Variants in KCNIP4 observed in about 807,000 individuals in gnomAD.
KCNIP4 encodes Kv channel-interacting protein 4.
KCNIP4 carries 12 observed loss-of-function variants against 34.0 expected under a neutral mutation model. The ratio of observed to expected loss-of-function variants is 0.35; its 90% CI spans 0.23 to 0.57. The LOEUF is 0.57. Among genes scored for constraint, KCNIP4 ranks in the 20% least tolerant of loss-of-function variants. The pLI is 0.83. For synonymous variants in KCNIP4, 124 were observed against 102.2 expected, an observed-to-expected ratio of 1.21 and a Z score of -1.29; for missense variants, 238 against 311.7, an observed-to-expected ratio of 0.76 and a Z score of 1.78.
intron 1 of KCNIP4, among the ~76,000 whole-genome samples, chr4:21,151,603 C>T (rs1427264270): frequency 6.6e-6 from 1 of 151,694 alleles, no homozygotes; most frequent in Non-Finnish European, 1.5e-5. Flanking sequence ...ACAAGGGACC[C>T]ACCTCCATGA....
chr4:20,729,891 T>TATGAAA lies in KCNIP4; in HGVS notation c.*185_*190dup. On this transcript the variant is annotated 3_prime_UTR_variant, in exon 9 of 9. Coordinates refer to ENST00000382152, the MANE Select transcript of KCNIP4 (RefSeq NM_025221.6). ...GACCATCCCCTGAACTCAGTGGCAT[T>TATGAAA]ATGAAAAGGATGCAAATTTATAACT... 1.9e-6 allele frequency: 1 copy of TATGAAA among 528,666 alleles called. No individual in the cohort carries two copies. Among genetic ancestry groups the TATGAAA allele is most frequent in the East Asian group, 3.3e-5 (1 of 30,420 alleles). 32.7% of individuals were successfully genotyped at this position (528,666 alleles called of 1,614,324 possible). A position where few individuals can be genotyped will look rare whatever the true frequency, so the allele number is the denominator to read the frequency against.
intron 1 of KCNIP4, among the ~76,000 whole-genome samples, chr4:21,799,319 C>T (rs932904466): frequency 6.6e-6 from 1 of 152,124 alleles, no homozygotes; most frequent in Non-Finnish European, 1.5e-5. Context: ...TAGTAAATGA[C>T]AGAGCCAGAA....
intron 1 of KCNIP4, among the ~76,000 whole-genome samples, chr4:21,589,596 A>C (rs1369653005): frequency 6.6e-6 from 1 of 151,942 alleles, no homozygotes. Flanking sequence ...TTTAAGAAGC[A>C]GCTGCTTCTC....
intron 1 of KCNIP4, among the ~76,000 whole-genome samples, chr4:21,420,790 G>A (rs1725390588): frequency 6.6e-6 from 1 of 152,110 alleles, no homozygotes. Context: ...AGATAAATAA[G>A]ATTAATTTAA....
chr4:21,718,546 C>G (rs1355211975), intron 1 of KCNIP4: 4 of 151,762 alleles, frequency 2.6e-5, no homozygotes, highest in African/African-American at 9.7e-5. Flanking sequence ...GGCCATACCA[C>G]CCTGAACATG....
chr4:21,291,359 T>C (rs1763446889), intron 1 of KCNIP4, among the ~76,000 whole-genome samples: 1 of 128,906 alleles, frequency 7.8e-6, no homozygotes, highest in Non-Finnish European at 1.7e-5. Flanking sequence ...TATACAAACA[T>C]TTGTGTACAA....
chr4:20,998,971 C>A (rs981970793), intron 1 of KCNIP4, among the ~76,000 whole-genome samples: 1 of 152,130 alleles, frequency 6.6e-6, no homozygotes, highest in Non-Finnish European at 1.5e-5. Flanking sequence ...TTTCTTGGAG[C>A]CTACAGTCAA....
At chr4:21,895,692 A>G (rs1407078023) in intron 1 of KCNIP4, among the ~76,000 whole-genome samples, 1 of 152,228 alleles carries the variant, frequency 6.6e-6, no homozygotes, top group East Asian at 1.9e-4. Flanking sequence ...TAGTCTGGAT[A>G]GCGAGAACCA....
At chr4:21,583,615 T>G (rs974388995) in intron 1 of KCNIP4, among the ~76,000 whole-genome samples, 6 of 152,052 alleles carry the variant, frequency 3.9e-5, no homozygotes, top group Admixed American at 1.3e-4. Flanking sequence ...AACTATAATA[T>G]TTTAATGCAA....
At chr4:21,093,654 T>C (rs1747195100) in intron 1 of KCNIP4, among the ~76,000 whole-genome samples, 1 of 152,190 alleles carries the variant, frequency 6.6e-6, no homozygotes, top group Admixed American at 6.5e-5. Flanking sequence ...TTACAGATAC[T>C]ATATGGGCTA....
intron 3 of KCNIP4, among the ~76,000 whole-genome samples, chr4:20,823,718 G>A (rs1717386699): frequency 1.3e-5 from 2 of 152,090 alleles, no homozygotes; most frequent in South Asian, 2.1e-4. Context: ...TAAATTTGTT[G>A]TTTAAGCCAC....
intron 1 of KCNIP4, among the ~76,000 whole-genome samples, chr4:21,330,288 T>C (rs945257041): frequency 2.6e-5 from 4 of 152,280 alleles, no homozygotes; most frequent in African/African-American, 9.6e-5. Context: ...ATAGCATAAA[T>C]TGATCAGCAT....
intron 1 of KCNIP4, among the ~76,000 whole-genome samples, chr4:21,716,152 G>A (rs1341966687): frequency 6.6e-6 from 1 of 151,742 alleles, no homozygotes; most frequent in Non-Finnish European, 1.5e-5. Flanking sequence ...CAGCTTTGAT[G>A]GTCAGACAGT....
At chr4:21,443,086 A>T (rs1021968749) in intron 1 of KCNIP4, among the ~76,000 whole-genome samples, 1 of 152,176 alleles carries the variant, frequency 6.6e-6, no homozygotes, top group African/African-American at 2.4e-5. Flanking sequence ...GACAAAACTT[A>T]TCAACATTGG....
At chr4:21,082,599 G>T (rs1746092697) in intron 1 of KCNIP4, among the ~76,000 whole-genome samples, 1 of 151,610 alleles carries the variant, frequency 6.6e-6, no homozygotes, top group African/African-American at 2.4e-5. Flanking sequence ...GAAATTTACA[G>T]TGTCTGGGGC....
intron 1 of KCNIP4, among the ~76,000 whole-genome samples, chr4:20,996,663 G>A (rs1737582639): frequency 1.3e-5 from 2 of 152,122 alleles, no homozygotes; most frequent in South Asian, 4.1e-4. Flanking sequence ...CACACTATCA[G>A]AAGGATTCTG....
intron 1 of KCNIP4, among the ~76,000 whole-genome samples, chr4:21,532,062 G>GA (rs1188006733): frequency 6.6e-6 from 1 of 152,062 alleles, no homozygotes; most frequent in African/African-American, 2.4e-5. Flanking sequence ...AATATTTTCA[G>GA]AAAATCATTT....
chr4:21,333,800 G>T (rs76274578), intron 1 of KCNIP4, among the ~76,000 whole-genome samples: 5,433 of 152,130 alleles, frequency 0.036, 193 homozygotes, highest in South Asian at 0.14. Context: ...ATAAATTAAA[G>T]ATGTGTTAAA....
intron 1 of KCNIP4, among the ~76,000 whole-genome samples, chr4:21,789,218 C>A (rs2109229178): frequency 6.6e-6 from 1 of 152,218 alleles, no homozygotes; most frequent in African/African-American, 2.4e-5. Context: ...GGTTTCATGC[C>A]ACCTCCCACA....
Sources: gnomAD v4.1 joint callset for allele counts (sites outside exome capture counted in the v4.1 genomes callset) on GRCh38, gnomAD v4.1.1 for gene constraint, MANE v1.5 for transcripts, NCBI Gene and HGNC (gene_info 2026-07-23, HGNC 2026-07-21) for gene names.